Variants in PIGS observed in about 807,000 individuals in gnomAD.
The protein encoded by PIGS is phosphatidylinositol glycan anchor biosynthesis class S.
PIGS carries 37 observed loss-of-function variants against 58.2 expected under a neutral mutation model. The ratio of observed to expected loss-of-function variants is 0.64; its 90% CI spans 0.49 to 0.84. PIGS has a LOEUF of 0.84. Among genes scored for constraint, PIGS ranks in the 40% least tolerant of loss-of-function variants. The pLI is 0.00. For missense variants in PIGS, 629 were observed against 710.8 expected (o/e 0.88, Z 1.31); for synonymous variants, 269 against 289.2 (o/e 0.93, Z 0.71).
intron 7 of PIGS, among the ~76,000 whole-genome samples, chr17:28,558,978 T>G (rs1011270894): frequency 1.3e-5 from 2 of 152,172 alleles, no homozygotes; most frequent in African/African-American, 4.8e-5. Flanking sequence ...GAAAGCTACA[T>G]TCTTCACATC....
rs2070332439 is a variant in PIGS at position 28,556,843 on chromosome 17, C to T, written c.1064G>A (p.Arg355His). Residue 355 changes from arginine (R) to histidine (H), a missense_variant, in exon 9 of 12, where the codon CGC becomes CAC. By Grantham distance (29) the Arg-to-His change is conservative. Coordinates refer to ENST00000308360, the MANE Select transcript of PIGS (RefSeq NM_033198.4). ...PVATNAFHSP[R>H]WGGIMVYNVD... ...GACTATTACCATAATGCCACCCCAG[C>T]GGGGACTATGGAAGGCATTGGTGGC... 4 of 1,613,812 alleles carry T rather than the reference C, an allele frequency of 2.5e-6. No homozygotes were observed. The highest frequency in any genetic ancestry group is 1.7e-5 in the Admixed American group (1 of 59,958).
intron 3 of PIGS, among the ~76,000 whole-genome samples, chr17:28,567,041 A>T (rs567157062): frequency 6.6e-6 from 1 of 152,320 alleles, no homozygotes; most frequent in Non-Finnish European, 1.5e-5. Context: ...AATAAAAATT[A>T]AAAAAAGCAT....
At position 28,570,936 on chromosome 17, in the gene PIGS, C is replaced by G. The variant is rs778601117; in HGVS notation, c.202G>C (p.Val68Leu). Residue 68 changes from valine to leucine, a missense_variant, in exon 3 of 12, where the codon GTG becomes CTG. Physicochemically the swap from Val to Leu is conservative, Grantham distance 32. Transcript: ENST00000308360. ...AGGGGCACTGACTCCCGCGTAAACA[C>G]GACAGTGACAGGCACCATGAGGCGG... Reference protein sequence around the residue: ...QLRLMVPVTVVFTRESVPLDD... With the variant: ...QLRLMVPVTVLFTRESVPLDD... The G allele has an allele frequency of 1.1e-5, 17 of 1,614,102 alleles. No homozygotes were observed. The highest frequency in any genetic ancestry group is 1.3e-5 in the Non-Finnish European group (15 of 1,180,046).
In PIGS at chr17:28,563,867, C is replaced by T; in HGVS notation, c.327G>A (p.Arg109=). ...KIKCRFQKAY[R]RALDHEEEAL... is the part of the protein sequence containing the mutation. ...CCTCCTCCTCATGGTCCAAAGCCCT[C>T]CGATAGGCCTTCTGGAAACGGCATT... Residue 109 remains arginine, a synonymous_variant, in exon 4 of 12, where the codon CGG becomes CGA. Coordinates refer to ENST00000308360, the MANE Select transcript of PIGS (RefSeq NM_033198.4). The T allele has an allele frequency of 6.2e-7, 1 of 1,614,186 alleles. No homozygotes were observed.
intron 5 of PIGS, 98 bp from the exon 6 acceptor site, chr17:28,561,727 G>A: frequency 8.1e-7 from 1 of 1,231,690 alleles, no homozygotes; most frequent in Non-Finnish European, 1.1e-6. Context: ...CTTTGCCAAT[G>A]ACCAACAGGT....
In PIGS at chr17:28,556,330, A is replaced by C. The variant is rs548186547; in HGVS notation, c.1081-64T>G. The C allele has an allele frequency of 2.2e-5, 28 of 1,244,596 alleles. 1 individual carries two copies. In the East Asian group the frequency reaches 6.5e-4, roughly 29 times the overall value. The allele number at this position is 1,244,596 out of a possible 1,614,324, so 77.1% of individuals were successfully genotyped here. A position where few individuals can be genotyped will look rare whatever the true frequency, so the allele number is the denominator to read the frequency against. On this transcript the variant is annotated intron_variant, in intron 9 of 11. Transcript: ENST00000308360. ...GCCCTTGCACAGCTCTGCCCTAGGC[A>C]CTCTGGAGAGAAAAGGAAAACATAT... is the stretch of plus-strand genomic sequence containing the variant.
intron 3 of PIGS, 60 bp downstream of exon 3, chr17:28,570,792 C>T: frequency 1.9e-6 from 3 of 1,545,666 alleles, no homozygotes; most frequent in Admixed American, 3.3e-5. Flanking sequence ...CTCCTCCCAC[C>T]CAACTCAGCT....
intron 5 of PIGS, among the ~76,000 whole-genome samples, chr17:28,562,945 C>T (rs1444835461): frequency 6.6e-6 from 1 of 152,104 alleles, no homozygotes; most frequent in African/African-American, 2.4e-5. Flanking sequence ...AAGCAAACTG[C>T]CCGCCTCGGC....
Position 28,553,920 on chromosome 17 carries a change from G to C in PIGS, c.*300C>G. 1 of 414,594 alleles carries C rather than the reference G, an allele frequency of 2.4e-6. No homozygotes were observed. The highest frequency in any genetic ancestry group is 2.4e-5 in the South Asian group (1 of 41,480). 25.7% of individuals were successfully genotyped at this position (414,594 alleles called of 1,614,324 possible). A position where few individuals can be genotyped will look rare whatever the true frequency, so the allele number is the denominator to read the frequency against. Reference sequence around the variant, plus strand: ...TGCTATGTTGAGAAATGGGGCAAAAGAACAAACAGTCCTTGCCACAGAGGG... The same window carrying C: ...TGCTATGTTGAGAAATGGGGCAAAACAACAAACAGTCCTTGCCACAGAGGG... On this transcript the variant is annotated 3_prime_UTR_variant, in exon 12 of 12. Coordinates refer to ENST00000308360, the MANE Select transcript of PIGS (RefSeq NM_033198.4).
chr17:28,562,585 C>A (rs919178705), intron 5 of PIGS, among the ~76,000 whole-genome samples: 2 of 152,062 alleles, frequency 1.3e-5, no homozygotes, highest in Non-Finnish European at 2.9e-5. Flanking sequence ...AGGCACCCAC[C>A]ACCACGCCCG....
intron 7 of PIGS, 35 bp from the exon 8 acceptor site, chr17:28,558,625 G>A (rs1341993192): frequency 6.8e-7 from 1 of 1,474,848 alleles, no homozygotes; most frequent in Non-Finnish European, 9.3e-7. Context: ...ACTTTGTTTA[G>A]ATTTATATTC....
In PIGS at chr17:28,556,975, G is replaced by A; in HGVS notation, c.935-3C>T. The stretch of plus-strand genomic sequence containing the variant: ...GTACAAGGAGGCAGCACTGGATCCT[G>A]TGGTATAAAGGGAAAGCAGAATATC... On this transcript the variant is annotated splice_polypyrimidine_tract_variant and splice_region_variant and intron_variant, in intron 8 of 11. Transcript: ENST00000308360. The A allele has an allele frequency of 3.1e-6, 5 of 1,613,998 alleles. No homozygotes were observed. Among genetic ancestry groups the A allele is most frequent in the Non-Finnish European group, 4.2e-6 (5 of 1,179,956 alleles).
rs189742251 is a variant in PIGS at position 28,566,477 on chromosome 17, G to T, written c.287-2570C>A. Among the ~76,000 whole-genome samples, 986 of 151,730 alleles carry T rather than the reference G, an allele frequency of 6.5e-3. 10 individuals carry two copies. Among genetic ancestry groups the T allele is most frequent in the African/African-American group, 0.023 (935 of 41,372 alleles). ...AGCTAATTTTTGTATTTTTAGTAGAGACAGGGTTTTCCCATGTTGAGCAGG... is the reference window on the plus strand; with the variant it reads ...AGCTAATTTTTGTATTTTTAGTAGATACAGGGTTTTCCCATGTTGAGCAGG... On this transcript the variant is annotated intron_variant, in intron 3 of 11. Coordinates refer to ENST00000308360, the MANE Select transcript of PIGS (RefSeq NM_033198.4).
intron 3 of PIGS, among the ~76,000 whole-genome samples, chr17:28,570,508 C>A (rs746930762): frequency 2.0e-5 from 3 of 152,200 alleles, no homozygotes; most frequent in African/African-American, 7.2e-5. Flanking sequence ...GAAGCTCCGT[C>A]TCAAAATATA....
chr17:28,554,889 TCTTGCC>T lies in PIGS; in HGVS notation c.1348_1353del (p.Gly450_Lys451del), dbSNP rs1330091639. 6.2e-7 allele frequency: 1 copy of T among 1,614,204 alleles called. No individual in the cohort carries two copies. The highest frequency in any genetic ancestry group is 1.7e-5 in the Admixed American group (1 of 60,018). On this transcript the variant is annotated inframe_deletion, in exon 11 of 12. Coordinates refer to ENST00000308360, the MANE Select transcript of PIGS (RefSeq NM_033198.4). Reference sequence around the variant, plus strand: ...TCGTCCTTAATGACAATGTTGCTGATCTTGCCCAGAAGCTGCGCCAGGGAGGTAAGG... The same window carrying T: ...TCGTCCTTAATGACAATGTTGCTGATCAGAAGCTGCGCCAGGGAGGTAAGG...
rs140545278 is a variant in PIGS at position 28,561,488 on chromosome 17, G to C, written c.610C>G (p.Leu204Val). Residue 204 changes from leucine to valine, a missense_variant, in exon 6 of 12, where the codon CTG (leucine) becomes GTG (valine). Transcript: ENST00000308360. ...TTGTCCTCTGGAAGGTGGTCAGCCA[G>C]AGCAGCAGCAAGCACATCCTCAGTC... ...SLTEDVLAAA[L>V]ADHLPEDKWS... is the part of the protein sequence containing the mutation. The C allele has an allele frequency of 4.1e-4, 661 of 1,613,992 alleles. 1 individual carries two copies. The highest frequency in any genetic ancestry group is 5.1e-4 in the Non-Finnish European group (603 of 1,179,974).
At chr17:28,566,271 C>CTTTTTTTTTTTTTTTTTTT (rs57310687) in intron 3 of PIGS, among the ~76,000 whole-genome samples, 1 of 97,800 alleles carries the variant, frequency 1.0e-5, no homozygotes, top group Non-Finnish European at 1.9e-5. Context: ...TTTTTCTTTT[C>CTTTTTTTTTTTTTTTTTTT]TTTTTTTTTT....
At chr17:28,566,594 T>C (rs1242128639) in intron 3 of PIGS, among the ~76,000 whole-genome samples, 1 of 107,580 alleles carries the variant, frequency 9.3e-6, no homozygotes, top group Non-Finnish European at 1.9e-5. Flanking sequence ...CCCAGCCTAC[T>C]TTTTTTTTTT....
rs1224843077 is a variant in PIGS, at chr17:28,553,602, C to G, written c.*618G>C. On this transcript the variant is annotated 3_prime_UTR_variant, in exon 12 of 12. Coordinates refer to ENST00000308360, the MANE Select transcript of PIGS (RefSeq NM_033198.4). ...CAAAAACAAGGATTTGAATTCAGGA[C>G]TGTTTGATTCCAAATCTGGAACTTT... 6.5e-6 allele frequency: 1 copy of G among 153,594 alleles called. No homozygotes were observed. Among genetic ancestry groups the G allele is most frequent in the African/African-American group, 2.4e-5 (1 of 41,086 alleles). 9.5% of individuals were successfully genotyped at this position (153,594 alleles called of 1,614,324 possible).
Sources: allele counts gnomAD v4.1 joint callset (sites outside exome capture counted in the v4.1 genomes callset), GRCh38; gene constraint gnomAD v4.1.1; transcripts MANE v1.5; gene names NCBI Gene and HGNC (gene_info 2026-07-23, HGNC 2026-07-21).